DHX34: variants seen among roughly 807,000 people sequenced by gnomAD.
DHX34 encodes the protein probable ATP-dependent RNA helicase DHX34.
In DHX34, 96 loss-of-function variants were observed where a neutral mutation model predicts 111.1. The ratio of observed to expected loss-of-function variants is 0.86; its 90% CI spans 0.73 to 1.02. DHX34 has a LOEUF of 1.02. DHX34 is among the 50% of genes least tolerant of loss of function. The pLI is 0.00. For missense variants in DHX34, 1,560 were observed against 1,579.9 expected, an observed-to-expected ratio of 0.99 and a Z score of 0.21; for synonymous variants, 688 against 670.4, an observed-to-expected ratio of 1.03 and a Z score of -0.41.
At chr19:47,381,825 T>C (rs1054306692) in intron 16 of DHX34, 155 bp from the exon 17 acceptor site, 38 of 980,386 alleles carry the variant, frequency 3.9e-5, no homozygotes, top group Non-Finnish European at 4.5e-5. Context: ...ACCTGTGTAT[T>C]TTTATTAATC....
In DHX34 at chr19:47,375,985, A is replaced by G; in HGVS notation, c.2369A>G (p.Gln790Arg). 1 of 1,606,198 alleles carries G rather than the reference A, an allele frequency of 6.2e-7. No homozygotes were observed. The highest frequency in any genetic ancestry group is 1.1e-5 in the South Asian group (1 of 90,576). ...AQLQAAASSA[Q>R]DLSREQLALL... Reference sequence around the variant, plus strand: ...CTGCAGGCCGCTGCCAGCTCAGCCCAGGACCTGAGCCGCGAGCAGCTGGCT... The same window carrying G: ...CTGCAGGCCGCTGCCAGCTCAGCCCGGGACCTGAGCCGCGAGCAGCTGGCT... The change falls in exon 11 of 17, where the codon CAG becomes CGG. Residue 790 changes from glutamine to arginine, a missense_variant. By Grantham distance (43) the Gln-to-Arg change is conservative. Coordinates refer to ENST00000328771, the MANE Select transcript of DHX34 (RefSeq NM_014681.6).
intron 11 of DHX34, 148 bp downstream of exon 11, chr19:47,376,245 C>T: frequency 7.0e-7 from 1 of 1,424,690 alleles, no homozygotes; most frequent in Non-Finnish European, 9.3e-7. Context: ...CAGACCCATC[C>T]CCAGACAACC....
intron 14 of DHX34, 38 bp from the exon 15 acceptor site, chr19:47,380,776 TGA>T (rs768089096): frequency 8.1e-6 from 13 of 1,611,650 alleles, no homozygotes; most frequent in Admixed American, 1.7e-5. Flanking sequence ...GGCATCTCCC[TGA>T]GTCTGTCTCT....
chr19:47,376,743 T>C (rs1015586453), intron 12 of DHX34, 183 bp downstream of exon 12: 27 of 1,434,550 alleles, frequency 1.9e-5, no homozygotes, highest in Non-Finnish European at 2.3e-5. Context: ...TCACCCCTGC[T>C]GGGCCTCACC....
chr19:47,353,634 G>T lies in DHX34; in HGVS notation c.604G>T (p.Ala202Ser), dbSNP rs749184382. The change falls in exon 2 of 17, where the codon GCT (alanine) becomes TCT (serine). Residue 202 changes from alanine to serine, a missense_variant. Transcript: ENST00000328771. This position sits in a 1 kb window ranked among gnomAD's most constrained non-coding sequence, Gnocchi z 4.6. ...STQVPQYLLA[A>S]GFSHVACTQP... ...TCAGGTGCCCCAGTACCTGCTGGCT[G>T]CTGGCTTCAGTCATGTGGCGTGCAC... 3.1e-6 allele frequency: 5 copies of T among 1,612,980 alleles called. No individual in the cohort carries two copies. The highest frequency in any genetic ancestry group is 4.5e-5 in the East Asian group (2 of 44,888).
intron 7 of DHX34, among the ~76,000 whole-genome samples, chr19:47,368,796 T>A (rs1969882555): frequency 6.6e-6 from 1 of 151,192 alleles, no homozygotes; most frequent in African/African-American, 2.4e-5. Context: ...TCATTGGAAC[T>A]TCTGCCTCCT....
chr19:47,366,463 T>C (rs1478713680), intron 6 of DHX34, among the ~76,000 whole-genome samples: 3 of 151,844 alleles, frequency 2.0e-5, no homozygotes, highest in Non-Finnish European at 4.4e-5. Flanking sequence ...GTATTTTTAG[T>C]AGAGATGGGG....
At position 47,353,736 on chromosome 19, in the gene DHX34, G is replaced by T; in HGVS notation, c.705+1G>T. The T allele has an allele frequency of 6.4e-7, 1 of 1,573,174 alleles. No individual in the cohort carries two copies. The highest frequency in any genetic ancestry group is 8.7e-7 in the Non-Finnish European group (1 of 1,155,726). ...GAGCCTCAGTCAGTATGGCTCACAG[G>T]TGAGTGGGACGCACCAGGTTTCCGA... On this transcript the variant is annotated splice_donor_variant, in intron 2 of 16. Coordinates refer to ENST00000328771, the MANE Select transcript of DHX34 (RefSeq NM_014681.6). LOFTEE classifies it high-confidence loss of function. This position sits in a 1 kb window ranked among gnomAD's most constrained non-coding sequence, Gnocchi z 4.6.
At chr19:47,375,030 C>T (rs376983034) in intron 9 of DHX34, among the ~76,000 whole-genome samples, 94 of 152,276 alleles carry the variant, frequency 6.2e-4, no homozygotes, top group African/African-American at 2.0e-3. Flanking sequence ...CCAACCCCGC[C>T]GAGCCCCCTC....
chr19:47,380,301 C>T (rs762599822), intron 14 of DHX34, among the ~76,000 whole-genome samples: 51 of 152,238 alleles, frequency 3.4e-4, no homozygotes, highest in African/African-American at 1.0e-3. Context: ...AAGCCGTAGA[C>T]GTCTGCTTGT....
intron 8 of DHX34, 76 bp from the exon 9 acceptor site, chr19:47,373,523 C>T (rs1970034584): frequency 6.5e-7 from 1 of 1,541,606 alleles, no homozygotes; most frequent in Non-Finnish European, 8.7e-7. Flanking sequence ...CATTTTGGGG[C>T]TCTGGGTGCT....
At position 47,379,744 on chromosome 19, in the gene DHX34, A is replaced by G. The variant is rs200643374; in HGVS notation, c.2741A>G (p.Asn914Ser). 5.7e-5 allele frequency: 91 copies of G among 1,610,412 alleles called. No individual in the cohort carries two copies. The highest frequency in any genetic ancestry group is 6.8e-5 in the Non-Finnish European group (80 of 1,177,216). Reference sequence around the variant, plus strand: ...CTTTTTAGCCGGTCTTTGGACACCAATGGTGACTGCTCCCGCCTGGTGGCC... The same window carrying G: ...CTTTTTAGCCGGTCTTTGGACACCAGTGGTGACTGCTCCCGCCTGGTGGCC... ...LLLFSRSLDT[N>S]GDCSRLVADG... The change falls in exon 14 of 17, where the codon AAT becomes AGT. Residue 914 changes from asparagine (N) to serine (S), a missense_variant. By Grantham distance (46) the Asn-to-Ser change is conservative. Coordinates refer to ENST00000328771, the MANE Select transcript of DHX34 (RefSeq NM_014681.6).
Position 47,360,058 on chromosome 19 carries a change from G to A in DHX34, c.1363G>A (p.Val455Ile), listed in dbSNP as rs763768330. 1.9e-5 allele frequency: 31 copies of A among 1,613,832 alleles called. No homozygotes were observed. Among genetic ancestry groups the A allele is most frequent in the Admixed American group, 1.0e-4 (6 of 59,970 alleles). ...TSVTIDGIRF[V>I]VDSGKVKEMS... ...AGTCACCATTGACGGGATCCGCTTC[G>A]TAGTAGATTCCGGTAAGGACCACCA... Residue 455 changes from valine (V) to isoleucine (I), a missense_variant, in exon 5 of 17, where the codon GTA becomes ATA. Val to Ile is a conservative substitution (Grantham distance 29). Transcript: ENST00000328771.
Position 47,354,265 on chromosome 19 carries a change from G to T in DHX34, c.705+530G>T, listed in dbSNP as rs556227825. ...GGTGTGAGCCACCACGTTGGGCTGC[G>T]AGGGTAATTCTTGACGATCACTGCA... On this transcript the variant is annotated intron_variant, in intron 2 of 16. Coordinates refer to ENST00000328771, the MANE Select transcript of DHX34 (RefSeq NM_014681.6). Among the ~76,000 whole-genome samples, 28 of 152,130 alleles carry T rather than the reference G, an allele frequency of 1.8e-4. 1 individual carries two copies. The highest frequency in any genetic ancestry group is 6.3e-4 in the African/African-American group (26 of 41,526).
chr19:47,381,211 G>C lies in DHX34; in HGVS notation c.3185G>C (p.Cys1062Ser), dbSNP rs2122389382. ...LTNDTDLYSD[C>S]LRTFWTCPHC... ...AATGACACAGACCTGTACAGCGACT[G>C]TCTCCGAACCTTCTGGACCTGCCCC... The change falls in exon 16 of 17, where the codon TGT becomes TCT. Residue 1062 changes from cysteine to serine, a missense_variant. Coordinates refer to ENST00000328771, the MANE Select transcript of DHX34 (RefSeq NM_014681.6). The C allele has an allele frequency of 6.2e-7, 1 of 1,614,038 alleles. No homozygotes were observed.
In DHX34 at chr19:47,353,980, TG is replaced by T. The variant is rs1969374690; in HGVS notation, c.705+246del. Among the ~76,000 whole-genome samples, 1 of 152,188 alleles carries T rather than the reference TG, an allele frequency of 6.6e-6. No homozygotes were observed. Among genetic ancestry groups the T allele is most frequent in the Admixed American group, 6.5e-5 (1 of 15,276 alleles). On this transcript the variant is annotated intron_variant, in intron 2 of 16. Coordinates refer to ENST00000328771, the MANE Select transcript of DHX34 (RefSeq NM_014681.6). The surrounding 1 kb of genome is among the most constrained non-coding windows in gnomAD (Gnocchi z 4.6). ...TCCTAAAGGCTCATCACTTTTTTTT[TG>T]AGACGGAGTCTCACTCTGTGGCCCA...
At position 47,360,084 on chromosome 19, in the gene DHX34, T is replaced by G; in HGVS notation, c.1375+14T>G. The G allele has an allele frequency of 4.0e-5, 64 of 1,611,986 alleles. No homozygotes were observed. Among genetic ancestry groups the G allele is most frequent in the Non-Finnish European group, 5.1e-5 (60 of 1,178,116 alleles). On this transcript the variant is annotated intron_variant, in intron 5 of 16. Transcript: ENST00000328771. ...TAGTAGATTCCGGTAAGGACCACCA[T>G]GAGCCCCTACCCACCACCCCCAAGG...
rs761315582 is a variant in DHX34, at chr19:47,376,578, G to A, written c.2599+18G>A. ...AAGCCGAGGTACAGTGAGCCCAGGC[G>A]GAAGGAACCCCCATCCGGGATGTGA... On this transcript the variant is annotated intron_variant, in intron 12 of 16. Coordinates refer to ENST00000328771, the MANE Select transcript of DHX34 (RefSeq NM_014681.6). 13 of 1,549,582 alleles carry A rather than the reference G, an allele frequency of 8.4e-6. No individual in the cohort carries two copies. Among genetic ancestry groups the A allele is most frequent in the African/African-American group, 1.4e-5 (1 of 73,214 alleles).
rs956211051 is a variant in DHX34 at position 47,353,657 on chromosome 19, C to T, written c.627C>T (p.Cys209=). The T allele has an allele frequency of 2.5e-6, 4 of 1,612,842 alleles. No individual in the cohort carries two copies. The highest frequency in any genetic ancestry group is 3.4e-6 in the Non-Finnish European group (4 of 1,179,796). The change falls in exon 2 of 17, where the codon TGC becomes TGT. Residue 209 remains cysteine, a synonymous_variant. Coordinates refer to ENST00000328771, the MANE Select transcript of DHX34 (RefSeq NM_014681.6). This position sits in a 1 kb window ranked among gnomAD's most constrained non-coding sequence, Gnocchi z 4.6. The part of the protein sequence containing the change: ...LLAAGFSHVA[C]TQPRRIACIS... ...CTGCTGGCTTCAGTCATGTGGCGTG[C>T]ACCCAGCCCCGGCGGATCGCCTGCA...
Sources: gnomAD v4.1 joint callset for allele counts (sites outside exome capture counted in the v4.1 genomes callset) on GRCh38, gnomAD v4.1.1 for gene constraint, Gnocchi (gnomAD v3.1) non-coding constraint, MANE v1.5 for transcripts, NCBI Gene and HGNC (gene_info 2026-07-23, HGNC 2026-07-21) for gene names.